The following FRAS1 variants were observed in gnomAD, a reference collection of about 807,000 sequenced individuals.
FRAS1 encodes extracellular matrix organizing protein FRAS1.
A neutral mutation model predicts 435.2 loss-of-function variants in FRAS1; 290 were observed. The observed-to-expected ratio is 0.67, with a 90% confidence interval of 0.61 to 0.73. The LOEUF (loss-of-function observed/expected upper bound fraction) is 0.73, where lower values mean the gene tolerates loss of function less well. FRAS1 is among the 30% of genes least tolerant of loss of function. The pLI is 0.00. For missense variants in FRAS1, 4,860 were observed against 5,001.5 expected (o/e 0.97, Z 0.85); for synonymous variants, 1,800 against 1,851.0 (o/e 0.97, Z 0.71).
At position 78,534,610 on chromosome 4, in the gene FRAS1, C is replaced by T; in HGVS notation, c.11087C>T (p.Ser3696Leu). Residue 3696 changes from serine to leucine, a missense_variant, in exon 71 of 74, where the codon TCA becomes TTA. Ser to Leu is a moderately radical substitution (Grantham distance 145). Transcript: ENST00000512123. ...LAEMDYKGAF[S>L]KGQILYGRVL... ...GAAATGGATTACAAAGGAGCCTTTT[C>T]AAAAGGTGAGTTGCTTCCTCCACCT... 1 of 1,612,400 alleles carries T rather than the reference C, an allele frequency of 6.2e-7. No homozygotes were observed. Among genetic ancestry groups the T allele is most frequent in the Non-Finnish European group, 8.5e-7 (1 of 1,178,940 alleles).
rs115085669 is a variant in FRAS1, at chr4:78,095,314, T to C, written c.108+29298T>C. On this transcript the variant is annotated intron_variant, in intron 2 of 73. Coordinates refer to ENST00000512123, the MANE Select transcript of FRAS1 (RefSeq NM_025074.7). ...TATTACATTGACAGCTCTAAAAGTT[T>C]ATTTTTAAGTTGTTTATCTGGAAAT... Among the ~76,000 whole-genome samples the C allele has an allele frequency of 2.4e-3, 373 of 152,370 alleles. 2 individuals carry two copies. The highest frequency in any genetic ancestry group is 6.8e-3 in the Middle Eastern group (2 of 294).
chr4:78,231,881 G>A (rs1448137695), intron 2 of FRAS1, among the ~76,000 whole-genome samples: 1 of 151,744 alleles, frequency 6.6e-6, no homozygotes, highest in East Asian at 1.9e-4. Context: ...AATATTAAAA[G>A]CTGTTTACAA....
intron 67 of FRAS1, among the ~76,000 whole-genome samples, chr4:78,521,023 T>A (rs1324290970): frequency 1.3e-5 from 2 of 152,222 alleles, no homozygotes; most frequent in African/African-American, 4.8e-5. Flanking sequence ...ACAATTTCCT[T>A]TATTAAAGCC....
At chr4:78,469,484 GA>G (rs904798126) in intron 50 of FRAS1, among the ~76,000 whole-genome samples, 4 of 149,328 alleles carry the variant, frequency 2.7e-5, no homozygotes, top group Admixed American at 2.7e-4. Context: ...ATGGGAAAAG[GA>G]AAAAAAAAGA....
chr4:78,309,370 G>A (rs1051385277), intron 15 of FRAS1, among the ~76,000 whole-genome samples: 1 of 152,210 alleles, frequency 6.6e-6, no homozygotes, highest in African/African-American at 2.4e-5. Context: ...CAACTCAGAA[G>A]GCTGTTGAGA....
At chr4:78,302,992 A>T (rs1256292155) in intron 14 of FRAS1, among the ~76,000 whole-genome samples, 4 of 151,788 alleles carry the variant, frequency 2.6e-5, no homozygotes, top group East Asian at 3.9e-4. Context: ...TGGTTTTAGG[A>T]CTAACGTTTA....
intron 20 of FRAS1, among the ~76,000 whole-genome samples, chr4:78,339,114 C>T (rs571522681): frequency 9.2e-5 from 14 of 152,056 alleles, no homozygotes; most frequent in Non-Finnish European, 1.8e-4. Flanking sequence ...TGATGTTAGT[C>T]GTAGTCAGGA....
chr4:78,159,274 G>T (rs1468582517), intron 2 of FRAS1, among the ~76,000 whole-genome samples: 2 of 152,054 alleles, frequency 1.3e-5, no homozygotes, highest in Non-Finnish European at 2.9e-5. Context: ...ATGAAGGATG[G>T]GCATGGAAAA....
chr4:78,117,944 T>C (rs1718745010), intron 2 of FRAS1, among the ~76,000 whole-genome samples: 1 of 152,260 alleles, frequency 6.6e-6, no homozygotes, highest in African/African-American at 2.4e-5. Flanking sequence ...CTCTGTTTTT[T>C]CCCCATCTTT....
intron 2 of FRAS1, among the ~76,000 whole-genome samples, chr4:78,221,781 T>C (rs562441984): frequency 1.2e-4 from 18 of 152,296 alleles, no homozygotes; most frequent in African/African-American, 4.1e-4. Context: ...CTTTCCTACA[T>C]TTGACATGAG....
intron 2 of FRAS1, among the ~76,000 whole-genome samples, chr4:78,203,493 A>G (rs890704522): frequency 2.0e-5 from 3 of 152,286 alleles, no homozygotes; most frequent in Middle Eastern, 3.4e-3. Flanking sequence ...CTCGTTCTCA[A>G]TTGAGGTCTA....
chr4:78,540,410 G>A (rs1355418769), intron 73 of FRAS1, 121 bp from the exon 74 acceptor site: 4 of 561,590 alleles, frequency 7.1e-6, no homozygotes, highest in Non-Finnish European at 1.2e-5. Flanking sequence ...ACCAACCATT[G>A]CTAATGCTTT....
At chr4:78,424,524 C>T (rs1445534189) in intron 35 of FRAS1, 104 bp downstream of exon 35, 2 of 506,722 alleles carry the variant, frequency 3.9e-6, no homozygotes, top group Admixed American at 8.4e-5. Context: ...TTTCTAAGAA[C>T]TACTTAAAAA....
intron 2 of FRAS1, among the ~76,000 whole-genome samples, chr4:78,075,991 A>T (rs1423315701): frequency 6.6e-6 from 1 of 152,108 alleles, no homozygotes; most frequent in Non-Finnish European, 1.5e-5. Flanking sequence ...GGCAGTGGGG[A>T]TGCTTTGAAA....
At chr4:78,221,720 G>A (rs181346036) in intron 2 of FRAS1, among the ~76,000 whole-genome samples, 30 of 152,266 alleles carry the variant, frequency 2.0e-4, no homozygotes, top group East Asian at 1.7e-3. Context: ...GGGACATATT[G>A]TCCTACAAAG....
chr4:78,211,256 T>C (rs1459476776), intron 2 of FRAS1, among the ~76,000 whole-genome samples: 2 of 152,192 alleles, frequency 1.3e-5, no homozygotes, highest in Non-Finnish European at 2.9e-5. Flanking sequence ...TGCATCACTG[T>C]CTAAATGTGT....
chr4:78,479,945 G>T (rs1719961972), intron 56 of FRAS1, among the ~76,000 whole-genome samples: 1 of 152,090 alleles, frequency 6.6e-6, no homozygotes, highest in Non-Finnish European at 1.5e-5. Context: ...GTAAATTTTT[G>T]TGGGTACATA....
chr4:78,179,192 A>C (rs1236710653), intron 2 of FRAS1, among the ~76,000 whole-genome samples: 1 of 152,222 alleles, frequency 6.6e-6, no homozygotes, highest in Non-Finnish European at 1.5e-5. Context: ...TTAGAACCAG[A>C]AAATGGAATG....
intron 59 of FRAS1, among the ~76,000 whole-genome samples, chr4:78,496,150 A>G (rs1720502079): frequency 6.6e-6 from 1 of 152,178 alleles, no homozygotes; most frequent in Non-Finnish European, 1.5e-5. Flanking sequence ...CATATTTTAC[A>G]TTTTCTCAAA....
Sources: allele counts gnomAD v4.1 joint callset (sites outside exome capture counted in the v4.1 genomes callset), GRCh38; gene constraint gnomAD v4.1.1; transcripts MANE v1.5; gene names NCBI Gene and HGNC (gene_info 2026-07-23, HGNC 2026-07-21).